The following MSRA variants were observed in gnomAD, a reference collection of about 807,000 sequenced individuals.
MSRA encodes mitochondrial peptide methionine sulfoxide reductase.
In MSRA, 54 loss-of-function variants were observed where a neutral mutation model predicts 31.3. That is an observed-to-expected ratio of 1.73 (90% CI 1.39 to 2.17). The LOEUF (loss-of-function observed/expected upper bound fraction) is 2.17. Among genes scored for constraint, MSRA ranks in the 30% most tolerant of loss-of-function variants. MSRA has a pLI of 0.00. For missense variants in MSRA, 507 were observed against 300.9 expected (o/e 1.69, Z -5.07); for synonymous variants, 169 against 116.5 (o/e 1.45, Z -2.90).
chr8:10,114,386 T>C (rs1800522721), intron 1 of MSRA, among the ~76,000 whole-genome samples: 1 of 152,238 alleles, frequency 6.6e-6, no homozygotes, highest in African/African-American at 2.4e-5. Context: ...TGGCAACCTA[T>C]GTTTAACTTT....
chr8:10,231,226 G>A (rs906821414), intron 2 of MSRA, among the ~76,000 whole-genome samples: 13 of 152,106 alleles, frequency 8.5e-5, no homozygotes, highest in African/African-American at 7.2e-5. Context: ...GAGCTGAGGC[G>A]GGCGGACAGG....
intron 1 of MSRA, among the ~76,000 whole-genome samples, chr8:10,091,513 G>A (rs746871480): frequency 1.1e-4 from 16 of 152,036 alleles, no homozygotes; most frequent in South Asian, 4.1e-4. Flanking sequence ...TGAATAATGC[G>A]GCAGTGAACA....
intron 5 of MSRA, among the ~76,000 whole-genome samples, chr8:10,333,876 C>G (rs1411828347): frequency 6.6e-6 from 1 of 152,146 alleles, no homozygotes; most frequent in Non-Finnish European, 1.5e-5. Flanking sequence ...GAGCACTTCA[C>G]ACAAGGCAGG....
At chr8:10,354,917 G>A (rs183410134) in intron 5 of MSRA, among the ~76,000 whole-genome samples, 2 of 152,030 alleles carry the variant, frequency 1.3e-5, no homozygotes, top group South Asian at 2.1e-4. Context: ...AAATGCTGCC[G>A]TGATGAGCAT....
chr8:10,396,122 G>A (rs76988416), intron 5 of MSRA, among the ~76,000 whole-genome samples: 8,488 of 152,200 alleles, frequency 0.056, 328 homozygotes, highest in South Asian at 0.14. Flanking sequence ...TTCTTTGCCT[G>A]TGTGGAGTTG....
At chr8:10,098,894 G>A (rs914628682) in intron 1 of MSRA, among the ~76,000 whole-genome samples, 17 of 152,214 alleles carry the variant, frequency 1.1e-4, no homozygotes, top group Non-Finnish European at 2.2e-4. Flanking sequence ...CGAAGACGTG[G>A]CTGCAACGTA....
intron 3 of MSRA, among the ~76,000 whole-genome samples, chr8:10,252,482 A>C (rs1797968114): frequency 6.6e-6 from 1 of 152,176 alleles, no homozygotes; most frequent in Non-Finnish European, 1.5e-5. Flanking sequence ...AGATGCTTTA[A>C]GTCCTGTCTG....
chr8:10,283,842 C>T (rs62490318), intron 3 of MSRA, among the ~76,000 whole-genome samples: 15,459 of 75,062 alleles, frequency 0.21, 1,504 homozygotes, highest in East Asian at 0.26. Flanking sequence ...TATATACACA[C>T]ACACACACAC....
At chr8:10,360,490 T>C (rs1204935318) in intron 5 of MSRA, among the ~76,000 whole-genome samples, 1 of 152,190 alleles carries the variant, frequency 6.6e-6, no homozygotes, top group Non-Finnish European at 1.5e-5. Flanking sequence ...TGGGAGACAT[T>C]GGAAGGATCT....
chr8:10,246,013 T>A (rs1429759412), intron 3 of MSRA, among the ~76,000 whole-genome samples: 1 of 152,084 alleles, frequency 6.6e-6, no homozygotes, highest in Non-Finnish European at 1.5e-5. Flanking sequence ...CAGCAAACTA[T>A]TGACTTGACT....
At chr8:10,370,734 C>G (rs1805427969) in intron 5 of MSRA, among the ~76,000 whole-genome samples, 1 of 152,240 alleles carries the variant, frequency 6.6e-6, no homozygotes, top group African/African-American at 2.4e-5. Flanking sequence ...CAGTGAACGA[C>G]AAGGAGGAAG....
chr8:10,170,221 C>G (rs930293293), intron 1 of MSRA, among the ~76,000 whole-genome samples: 4 of 151,840 alleles, frequency 2.6e-5, no homozygotes, highest in Admixed American at 6.6e-5. Flanking sequence ...ATGCTTGTCT[C>G]CCTCCAAATT....
intron 1 of MSRA, among the ~76,000 whole-genome samples, chr8:10,168,611 G>T (rs1295733358): frequency 6.6e-6 from 1 of 152,176 alleles, no homozygotes; most frequent in African/African-American, 2.4e-5. Context: ...CTATTTTACA[G>T]ATCAAGAAAG....
At chr8:10,111,984 A>T (rs1181112358) in intron 1 of MSRA, among the ~76,000 whole-genome samples, 2 of 151,640 alleles carry the variant, frequency 1.3e-5, no homozygotes, top group African/African-American at 4.8e-5. Context: ...TCTTGGTGAG[A>T]TTTATTTACC....
intron 3 of MSRA, among the ~76,000 whole-genome samples, chr8:10,298,351 C>T (rs373058151): frequency 4.0e-5 from 6 of 151,896 alleles, no homozygotes; most frequent in African/African-American, 1.2e-4. Context: ...GACATTACGC[C>T]GAGTTAAGTA....
In MSRA at chr8:10,398,773, C is replaced by T. The variant is rs189280207; in HGVS notation, c.544-29375C>T. On this transcript the variant is annotated intron_variant, in intron 5 of 5. Transcript: ENST00000317173. The stretch of plus-strand genomic sequence containing the variant: ...TATTCAGATGAAAGGAAAAACAGTA[C>T]GAGGTTTTTCATTTCTTTTTTAACC... 1.1e-4 allele frequency among the ~76,000 whole-genome samples: 17 copies of T among 152,338 alleles called. 1 individual carries two copies. Among genetic ancestry groups the T allele is most frequent in the African/African-American group, 3.1e-4 (13 of 41,586 alleles).
chr8:10,423,521 G>T (rs1808940418), intron 5 of MSRA, among the ~76,000 whole-genome samples: 1 of 152,122 alleles, frequency 6.6e-6, no homozygotes, highest in Non-Finnish European at 1.5e-5. Context: ...CGGGGAGGGG[G>T]GGTGGCAGCA....
intron 1 of MSRA, among the ~76,000 whole-genome samples, chr8:10,072,203 G>A (rs1014729622): frequency 2.6e-5 from 4 of 152,162 alleles, no homozygotes; most frequent in African/African-American, 9.7e-5. Context: ...AGGTGATGAG[G>A]GCTCTTCATC....
chr8:10,182,605 T>C (rs1023190536), intron 1 of MSRA, among the ~76,000 whole-genome samples: 14 of 152,298 alleles, frequency 9.2e-5, no homozygotes, highest in African/African-American at 2.6e-4. Flanking sequence ...AGTAGGTATT[T>C]ATGGGTTACA....
Sources: gnomAD v4.1 joint callset for allele counts (sites outside exome capture counted in the v4.1 genomes callset) on GRCh38, gnomAD v4.1.1 for gene constraint, MANE v1.5 for transcripts, NCBI Gene and HGNC (gene_info 2026-07-23, HGNC 2026-07-21) for gene names.